HAUS5: variants seen among roughly 807,000 people sequenced by gnomAD.
HAUS5 encodes HAUS augmin-like complex subunit 5.
HAUS5 carries 67 observed loss-of-function variants against 94.1 expected under a neutral mutation model. That is an observed-to-expected ratio of 0.71 (90% CI 0.58 to 0.87). HAUS5 has a LOEUF of 0.87. Ranked by LOEUF, HAUS5 falls within the 40% of genes least tolerant of loss-of-function variation. The pLI, the probability that HAUS5 is intolerant of heterozygous loss-of-function variation, is 0.00. For missense variants in HAUS5, 739 were observed against 825.6 expected, an observed-to-expected ratio of 0.90 and a Z score of 1.29; for synonymous variants, 339 against 355.4, an observed-to-expected ratio of 0.95 and a Z score of 0.52.
Position 35,620,245 on chromosome 19 carries a change from G to T in HAUS5, c.1569G>T (p.Leu523=). 1 of 1,613,740 alleles carries T rather than the reference G, an allele frequency of 6.2e-7. No individual in the cohort carries two copies. Among genetic ancestry groups the T allele is most frequent in the Non-Finnish European group, 8.5e-7 (1 of 1,179,954 alleles). The part of the protein sequence containing the change: ...PAAASLRQDL[L]LLQDQRSLWC... ...CTGCCTCTCTTCGCCAGGACCTTCT[G>T]CTCCTGCAGGACCAGCGGAGCCTCT... The change falls in exon 17 of 19, where the codon CTG becomes CTT. Residue 523 remains leucine, a synonymous_variant. Coordinates refer to ENST00000203166, the MANE Select transcript of HAUS5 (RefSeq NM_015302.2).
Position 35,622,961 on chromosome 19 carries a change from G to C in HAUS5, c.1870G>C (p.Ala624Pro), listed in dbSNP as rs764916703. 3.1e-6 allele frequency: 5 copies of C among 1,612,648 alleles called. No individual in the cohort carries two copies. In the Admixed American group the frequency reaches 6.7e-5, roughly 22 times the overall value. The change falls in exon 19 of 19, where the codon GCC becomes CCC. Residue 624 changes from alanine (A) to proline (P), a missense_variant. By Grantham distance (27) the Ala-to-Pro change is conservative. Coordinates refer to ENST00000203166, the MANE Select transcript of HAUS5 (RefSeq NM_015302.2). The stretch of plus-strand genomic sequence containing the variant: ...CCAGTGGCGGCTGCGCTGGGTTCAG[G>C]CCCAGGGGGCCCTGCAGAAGCTGTG... ...LPQWRLRWVQ[A>P]QGALQKLCS
intron 1 of HAUS5, 143 bp from the exon 2 acceptor site, chr19:35,613,587 A>G (rs1240911454): frequency 3.2e-6 from 2 of 632,406 alleles, no homozygotes; most frequent in East Asian, 2.8e-5. Flanking sequence ...AAAAAAAAAA[A>G]AAAGGCAAAA....
At position 35,620,131 on chromosome 19, in the gene HAUS5, C is replaced by G. The variant is rs868006789; in HGVS notation, c.1518+8C>G. On this transcript the variant is annotated splice_region_variant and intron_variant, in intron 16 of 18. Coordinates refer to ENST00000203166, the MANE Select transcript of HAUS5 (RefSeq NM_015302.2). Reference sequence around the variant, plus strand: ...GGGCTGCCTCCAGGGAAGGTGAGTGCCCGTCTCCTGTGACTTGTCTCCCCA... The same window carrying G: ...GGGCTGCCTCCAGGGAAGGTGAGTGGCCGTCTCCTGTGACTTGTCTCCCCA... 1.2e-6 allele frequency: 2 copies of G among 1,613,202 alleles called. No individual in the cohort carries two copies. The highest frequency in any genetic ancestry group is 4.5e-5 in the East Asian group (2 of 44,846).
In HAUS5 at chr19:35,620,029, C is replaced by G. The variant is rs776000427; in HGVS notation, c.1424C>G (p.Thr475Arg). 6 of 1,613,524 alleles carry G rather than the reference C, an allele frequency of 3.7e-6. No individual in the cohort carries two copies. The highest frequency in any genetic ancestry group is 5.1e-6 in the Non-Finnish European group (6 of 1,179,722). Residue 475 changes from threonine (T) to arginine (R), a missense_variant, in exon 16 of 19, where the codon ACG becomes AGG. Coordinates refer to ENST00000203166, the MANE Select transcript of HAUS5 (RefSeq NM_015302.2). ...HRPGELKPLP[T>R]VLPSIHQLHP... ...GCCCGTAGGTTGAAGCCCCTGCCCA[C>G]GGTCCTCCCATCCATCCACCAGCTG...
At position 35,623,350 on chromosome 19, in the gene HAUS5, T is replaced by C. The variant is rs530532001; in HGVS notation, c.*357T>C. The C allele has an allele frequency of 1.4e-4, 28 of 202,690 alleles. No homozygotes were observed. Among genetic ancestry groups the C allele is most frequent in the Non-Finnish European group, 2.5e-4 (25 of 98,876 alleles). 12.6% of individuals were successfully genotyped at this position (202,690 alleles called of 1,614,324 possible). A position where few individuals can be genotyped will look rare whatever the true frequency, so the allele number is the denominator to read the frequency against. ...GTTTACAAGATAAGGAAAATATATA[T>C]GTAGTATGCTGCAAGTTAACTGCTG... On this transcript the variant is annotated 3_prime_UTR_variant, in exon 19 of 19. Coordinates refer to ENST00000203166, the MANE Select transcript of HAUS5 (RefSeq NM_015302.2).
chr19:35,619,123 G>A (rs1967160682), intron 13 of HAUS5, 74 bp downstream of exon 13: 6 of 1,418,634 alleles, frequency 4.2e-6, no homozygotes, highest in Non-Finnish European at 5.6e-6. Flanking sequence ...AACTGGGCCT[G>A]AGCCCTGTGT....
chr19:35,620,192 C>T lies in HAUS5; in HGVS notation c.1519-3C>T, dbSNP rs1363538433. On this transcript the variant is annotated splice_polypyrimidine_tract_variant and splice_region_variant and intron_variant, in intron 16 of 18. Coordinates refer to ENST00000203166, the MANE Select transcript of HAUS5 (RefSeq NM_015302.2). ...AGGTGACCGTCCTTCCCTCCTCCTC[C>T]AGGCCTCGGAGCTGCTCCTGCCGGC... 1 of 1,613,100 alleles carries T rather than the reference C, an allele frequency of 6.2e-7. No homozygotes were observed. Among genetic ancestry groups the T allele is most frequent in the Non-Finnish European group, 8.5e-7 (1 of 1,179,370 alleles).
At chr19:35,618,789 C>A in intron 12 of HAUS5, 90 bp downstream of exon 12, 1 of 1,518,034 alleles carries the variant, frequency 6.6e-7, no homozygotes, top group Admixed American at 2.0e-5. Flanking sequence ...TGGCTCCTAT[C>A]TCTGCCTCCT....
chr19:35,615,917 C>T (rs527571596), intron 6 of HAUS5, among the ~76,000 whole-genome samples: 4 of 152,256 alleles, frequency 2.6e-5, no homozygotes, highest in Non-Finnish European at 5.9e-5. Context: ...CAGGCAAGAC[C>T]GAGAACCTGA....
chr19:35,622,879 G>A lies in HAUS5; in HGVS notation c.1788G>A (p.Trp596Ter). The change falls in exon 19 of 19, where the codon TGG becomes TGA. Residue 596 changes from tryptophan to a stop codon, truncating the protein, a stop_gained. Coordinates refer to ENST00000203166, the MANE Select transcript of HAUS5 (RefSeq NM_015302.2). LOFTEE classifies it high-confidence loss of function. ...PELQGIVGDW[W>*]EQPGQAALSE... Reference sequence around the variant, plus strand: ...TTGACGCCATGCCATTCCCCAGGTGGGAGCAGCCAGGCCAGGCCGCCCTCT... The same window carrying A: ...TTGACGCCATGCCATTCCCCAGGTGAGAGCAGCCAGGCCAGGCCGCCCTCT... 1 of 1,613,690 alleles carries A rather than the reference G, an allele frequency of 6.2e-7. No individual in the cohort carries two copies. The highest frequency in any genetic ancestry group is 1.1e-5 in the South Asian group (1 of 91,078).
rs947378102 is a variant in HAUS5, at chr19:35,622,923, G to A, written c.1832G>A (p.Gly611Asp). Residue 611 changes from glycine to aspartate, a missense_variant, in exon 19 of 19, where the codon GGC becomes GAC. By Grantham distance (94) the Gly-to-Asp change is moderately conservative (BLOSUM62 -1). Coordinates refer to ENST00000203166, the MANE Select transcript of HAUS5 (RefSeq NM_015302.2). ...GCCCTCTCTGAGGAGCTCTGCCAGG[G>A]CCTGTCCCTGCCCCAGTGGCGGCTG... is the stretch of plus-strand genomic sequence containing the variant. ...QAALSEELCQGLSLPQWRLRW... is the reference protein window; with the variant it reads ...QAALSEELCQDLSLPQWRLRW... The A allele has an allele frequency of 5.6e-6, 9 of 1,614,010 alleles. No individual in the cohort carries two copies. Among genetic ancestry groups the A allele is most frequent in the Non-Finnish European group, 6.8e-6 (8 of 1,180,002 alleles).
chr19:35,612,822 C>G lies in HAUS5; in HGVS notation c.28C>G (p.Leu10Val). MELAQEARE[L>V]GCWAVEEMGV... is the part of the protein sequence containing the mutation. ...GGAGCTAGCGCAGGAAGCGCGGGAA[C>G]TGGGTTGCTGGGCGGTCGAAGAGAT... is the stretch of plus-strand genomic sequence containing the variant. The change falls in exon 1 of 19, where the codon CTG (leucine) becomes GTG (valine). Residue 10 changes from leucine (L) to valine (V), a missense_variant. Coordinates refer to ENST00000203166, the MANE Select transcript of HAUS5 (RefSeq NM_015302.2). The G allele has an allele frequency of 6.5e-7, 1 of 1,547,590 alleles. No individual in the cohort carries two copies. The highest frequency in any genetic ancestry group is 1.4e-5 in the African/African-American group (1 of 72,822).
At position 35,612,819 on chromosome 19, in the gene HAUS5, G is replaced by A. The variant is rs1261043498; in HGVS notation, c.25G>A (p.Glu9Lys). 1 of 1,548,070 alleles carries A rather than the reference G, an allele frequency of 6.5e-7. No homozygotes were observed. The highest frequency in any genetic ancestry group is 8.7e-7 in the Non-Finnish European group (1 of 1,145,832). MELAQEAR[E>K]LGCWAVEEMG... is the part of the protein sequence containing the mutation. The stretch of plus-strand genomic sequence containing the variant: ...CATGGAGCTAGCGCAGGAAGCGCGG[G>A]AACTGGGTTGCTGGGCGGTCGAAGA... The change falls in exon 1 of 19, where the codon GAA (glutamate) becomes AAA (lysine). Residue 9 changes from glutamate to lysine, a missense_variant. By Grantham distance (56) the Glu-to-Lys change is moderately conservative (BLOSUM62 1). Transcript: ENST00000203166.
In HAUS5 at chr19:35,618,905, G is replaced by A. The variant is rs1260669951; in HGVS notation, c.1035G>A (p.Gly345=). The change falls in exon 13 of 19, where the codon GGG becomes GGA. Residue 345 remains glycine, a synonymous_variant. Coordinates refer to ENST00000203166, the MANE Select transcript of HAUS5 (RefSeq NM_015302.2). The stretch of plus-strand genomic sequence containing the variant: ...CCTGCAGGCAGGTGCTGATACTGGG[G>A]CTTCGGCGCTGTTGCCTGTGGACGG... ...GSSERQVLIL[G]LRRCCLWTEL... The A allele has an allele frequency of 4.4e-6, 7 of 1,608,834 alleles. 1 individual carries two copies. The highest frequency in any genetic ancestry group is 5.9e-6 in the Non-Finnish European group (7 of 1,177,772).
chr19:35,619,930 G>A (rs1967179750), intron 15 of HAUS5, 82 bp from the exon 16 acceptor site: 2 of 1,548,748 alleles, frequency 1.3e-6, no homozygotes, highest in South Asian at 1.2e-5. Context: ...GACCCACCTT[G>A]AAGTTCCTGG....
At chr19:35,619,354 A>G in intron 13 of HAUS5, 70 bp from the exon 14 acceptor site, 1 of 1,248,700 alleles carries the variant, frequency 8.0e-7, no homozygotes, top group Non-Finnish European at 1.1e-6. Flanking sequence ...CAGAAGCAGG[A>G]CCTAAGCAGA....
chr19:35,616,740 ACTC>A (rs1392447520), intron 6 of HAUS5, among the ~76,000 whole-genome samples: 9 of 151,540 alleles, frequency 5.9e-5, no homozygotes, highest in African/African-American at 1.7e-4. Flanking sequence ...CTGGCCTTGA[ACTC>A]CTGACCTCAA....
chr19:35,615,203 TG>T (rs1446632707), intron 5 of HAUS5, 23 bp from the exon 6 acceptor site: 2 of 1,612,938 alleles, frequency 1.2e-6, no homozygotes, highest in Admixed American at 3.3e-5. Context: ...AAGGTGCTGA[TG>T]GCCACCCCTG....
Position 35,619,946 on chromosome 19 carries a change from C to T in HAUS5, c.1407-66C>T, listed in dbSNP as rs1259000329. On this transcript the variant is annotated intron_variant, in intron 15 of 18. Transcript: ENST00000203166. ...ACCCACCTTGAAGTTCCTGGGCCCCCAGAGCCTCCAGAACCCAAGGCCTCC... is the reference window on the plus strand; with the variant it reads ...ACCCACCTTGAAGTTCCTGGGCCCCTAGAGCCTCCAGAACCCAAGGCCTCC... 4.5e-6 allele frequency: 7 copies of T among 1,563,636 alleles called. 1 individual carries two copies. Among genetic ancestry groups the T allele is most frequent in the Middle Eastern group, 3.5e-4 (2 of 5,704 alleles).
Sources: gnomAD v4.1 joint callset for allele counts (sites outside exome capture counted in the v4.1 genomes callset) on GRCh38, gnomAD v4.1.1 for gene constraint, MANE v1.5 for transcripts, NCBI Gene and HGNC (gene_info 2026-07-23, HGNC 2026-07-21) for gene names.